The following LYG2 variants were observed in gnomAD, a reference collection of about 807,000 sequenced individuals.
LYG2 encodes the protein lysozyme g2.
A neutral mutation model predicts 22.4 loss-of-function variants in LYG2; 25 were observed. The ratio of observed to expected loss-of-function variants is 1.12; its 90% CI spans 0.81 to 1.56. The LOEUF (loss-of-function observed/expected upper bound fraction) is 1.56. Among genes scored for constraint, LYG2 ranks in the 40% most tolerant of loss-of-function variants. The pLI is 0.00. For missense variants in LYG2, 266 were observed against 269.5 expected (o/e 0.99, Z 0.09); for synonymous variants, 88 against 97.0 (o/e 0.91, Z 0.55).
intron 3 of LYG2, among the ~76,000 whole-genome samples, chr2:99,250,862 G>A (rs902061204): frequency 9.8e-5 from 15 of 152,356 alleles, no homozygotes; most frequent in Middle Eastern, 3.4e-3. Context: ...TTTAGGGACT[G>A]GTTGAGTAAG....
At chr2:99,250,626 G>C (rs895256057) in intron 3 of LYG2, among the ~76,000 whole-genome samples, 1 of 152,088 alleles carries the variant, frequency 6.6e-6, no homozygotes, top group African/African-American at 2.4e-5. Flanking sequence ...CGCCCACCTT[G>C]GCCTCCCAAA....
upstream of LYG2, among the ~76,000 whole-genome samples, chr2:99,259,832 G>A (rs2094043962): frequency 6.6e-6 from 1 of 152,060 alleles, no homozygotes; most frequent in African/African-American, 2.4e-5. Context: ...ATAGTACTGT[G>A]AACGTTTATC....
chr2:99,243,296 TG>T, intron 6 of LYG2: 1 of 744,372 alleles, frequency 1.3e-6, no homozygotes, highest in Non-Finnish European at 2.2e-6. Context: ...AAATTTATAG[TG>T]GGAAGTTAGT....
chr2:99,242,428 A>G lies in LYG2; in HGVS notation c.575T>C (p.Ile192Thr), dbSNP rs758578465. ...GIEAIATPSD[I>T]DNDFVNDIIA... ...GATATCATTGACGAAGTCATTGTCT[A>G]TGTCCGATGGGGTGGCAATCGCTTC... Residue 192 changes from isoleucine (I) to threonine (T), a missense_variant, in exon 7 of 7, where the codon ATA becomes ACA. Transcript: ENST00000333017. The G allele has an allele frequency of 4.3e-6, 7 of 1,613,718 alleles. No homozygotes were observed. Among genetic ancestry groups the G allele is most frequent in the Middle Eastern group, 1.7e-4 (1 of 6,060 alleles).
chr2:99,244,175 G>C (rs373417628), intron 5 of LYG2, 38 bp from the exon 6 acceptor site: 2 of 1,590,018 alleles, frequency 1.3e-6, no homozygotes, highest in African/African-American at 1.4e-5. Flanking sequence ...ATCTGGATGA[G>C]GTAACACATT....
intron 3 of LYG2, among the ~76,000 whole-genome samples, chr2:99,253,765 C>A (rs964429822): frequency 6.6e-6 from 1 of 152,168 alleles, no homozygotes; most frequent in Admixed American, 6.5e-5. Flanking sequence ...CATGTCCCCC[C>A]CAAAAGCCTT....
intron 6 of LYG2, chr2:99,243,790 C>G (rs2094010837): frequency 1.2e-5 from 6 of 509,134 alleles, no homozygotes; most frequent in Non-Finnish European, 2.1e-5. Flanking sequence ...AGAACCCCAA[C>G]ATTCTGCAGA....
At chr2:99,257,830 A>G (rs1430507660), upstream of LYG2, among the ~76,000 whole-genome samples, 3 of 152,154 alleles carry the variant, frequency 2.0e-5, no homozygotes, top group Admixed American at 1.3e-4. Flanking sequence ...AGCAATTGGA[A>G]AACTTCAATG....
chr2:99,251,293 G>C (rs1298367007), intron 3 of LYG2, among the ~76,000 whole-genome samples: 1 of 152,132 alleles, frequency 6.6e-6, no homozygotes, highest in African/African-American at 2.4e-5. Context: ...TAAACACATA[G>C]AGGAGAATTA....
At chr2:99,246,936 T>G in intron 3 of LYG2, 116 bp from the exon 4 acceptor site, 11 of 939,238 alleles carry the variant, frequency 1.2e-5, no homozygotes, top group Non-Finnish European at 1.7e-5. Context: ...CCCAACTCTC[T>G]TGTTGCCATT....
intron 6 of LYG2, chr2:99,243,294 A>T: frequency 1.4e-6 from 1 of 732,164 alleles, no homozygotes; most frequent in Non-Finnish European, 2.2e-6. Flanking sequence ...GCAAATTTAT[A>T]GTGGGAAGTT....
chr2:99,243,542 A>AT (rs941914319), intron 6 of LYG2: 144 of 1,498,506 alleles, frequency 9.6e-5, no homozygotes, highest in Non-Finnish European at 1.2e-4. Context: ...AGATAGATAA[A>AT]TTTTTTTTTG....
At chr2:99,247,928 AACAG>A (rs2094019176) in intron 3 of LYG2, among the ~76,000 whole-genome samples, 1 of 152,228 alleles carries the variant, frequency 6.6e-6, no homozygotes, top group South Asian at 2.1e-4. Flanking sequence ...GAAGTACATG[AACAG>A]ACACTTCTCA....
intron 3 of LYG2, among the ~76,000 whole-genome samples, chr2:99,253,419 T>C (rs2094030762): frequency 6.6e-6 from 1 of 152,226 alleles, no homozygotes; most frequent in South Asian, 2.1e-4. Context: ...GGAAATTACT[T>C]TCGGGTAGCC....
rs1277440301 is a variant in LYG2, at chr2:99,245,332, C to T, written c.311G>A (p.Arg104Lys). ...CAGGACAGATCCGCCATGGCTTTCCCTGGAGATGATGGCTGCGATGACAGC... is the reference window on the plus strand; with the variant it reads ...CAGGACAGATCCGCCATGGCTTTCCTTGGAGATGATGGCTGCGATGACAGC... ...DPAVIAAIIS[R>K]ESHGGSVLQD... Residue 104 changes from arginine to lysine, a missense_variant, in exon 5 of 7, where the codon AGG becomes AAG. Transcript: ENST00000333017. 1 of 1,613,096 alleles carries T rather than the reference C, an allele frequency of 6.2e-7. No individual in the cohort carries two copies.
chr2:99,246,173 G>T (rs115457260), intron 4 of LYG2, among the ~76,000 whole-genome samples: 71 of 152,328 alleles, frequency 4.7e-4, no homozygotes, highest in African/African-American at 1.6e-3. Context: ...GTTAGCCAAT[G>T]CATGTTTTAG....
chr2:99,246,151 G>A lies in LYG2; in HGVS notation c.184+529C>T, dbSNP rs145887990. On this transcript the variant is annotated intron_variant, in intron 4 of 6. Coordinates refer to ENST00000333017, the MANE Select transcript of LYG2 (RefSeq NM_175735.4). ...GCCACACTAGTGCACTGGGAAGCCT[G>A]TTGTACTAGGAGTTAGCCAATGCAT... is the stretch of plus-strand genomic sequence containing the variant. 3.3e-3 allele frequency among the ~76,000 whole-genome samples: 502 copies of A among 152,322 alleles called. 3 individuals carry two copies. Among genetic ancestry groups the A allele is most frequent in the African/African-American group, 0.012 (486 of 41,574 alleles).
Position 99,251,876 on chromosome 2 carries a change from C to T in LYG2, c.43+2342G>A, listed in dbSNP as rs969016315. 6.4e-4 allele frequency among the ~76,000 whole-genome samples: 91 copies of T among 142,574 alleles called. 1 individual carries two copies. Among genetic ancestry groups the T allele is most frequent in the African/African-American group, 2.2e-3 (87 of 39,820 alleles). 93.5% of individuals were successfully genotyped at this position (142,574 alleles called of 152,430 possible). On this transcript the variant is annotated intron_variant, in intron 3 of 6. Transcript: ENST00000333017. ...TTTTCCAGATGGAGTCTCACTCTGT[C>T]GCCCAGGCTGGAGTGCAGTGGCCAT...
intron 3 of LYG2, 26 bp downstream of exon 3, chr2:99,254,192 A>C: frequency 6.2e-7 from 1 of 1,607,720 alleles, no homozygotes; most frequent in African/African-American, 1.3e-5. Context: ...CCTGTGAACA[A>C]TGCTAAATCT....
Sources: allele counts gnomAD v4.1 joint callset (sites outside exome capture counted in the v4.1 genomes callset), GRCh38; gene constraint gnomAD v4.1.1; transcripts MANE v1.5; gene names NCBI Gene and HGNC (gene_info 2026-07-23, HGNC 2026-07-21).